Variants in WDR44 observed in about 807,000 individuals in gnomAD.
WDR44 encodes WD repeat domain 44, also known as WD repeat-containing protein 44.
A neutral mutation model predicts 65.7 loss-of-function variants in WDR44; 9 were observed. The ratio of observed to expected loss-of-function variants is 0.14; its 90% CI spans 0.08 to 0.24. WDR44 has a LOEUF of 0.24. Among genes scored for constraint, WDR44 ranks in the 10% least tolerant of loss-of-function variants. WDR44 has a pLI of 1.00. For missense variants in WDR44, 425 were observed against 670.9 expected, an observed-to-expected ratio of 0.63 and a Z score of 4.05; for synonymous variants, 220 against 235.2, an observed-to-expected ratio of 0.94 and a Z score of 0.59.
intron 1 of WDR44, among the ~76,000 whole-genome samples, chrX:118,375,471 T>C (rs1463077656): frequency 2.0e-5 from 2 of 101,548 alleles, no homozygotes; most frequent in Non-Finnish European, 4.0e-5. Context: ...CGCTTGAAGC[T>C]AGGAGTTCAA....
chrX:118,374,376 A>G (rs748498125), intron 1 of WDR44, among the ~76,000 whole-genome samples: 1 of 111,620 alleles, frequency 9.0e-6, no homozygotes, highest in South Asian at 3.7e-4. Flanking sequence ...ATGTTCTACA[A>G]ATGGATTTAG....
chrX:118,445,184 A>G (rs1183263026), intron 19 of WDR44: 1 of 216,907 alleles, frequency 4.6e-6, no homozygotes, highest in South Asian at 5.1e-5. Context: ...AATCCTAGCT[A>G]CTCGGGATGC....
intron 12 of WDR44, among the ~76,000 whole-genome samples, chrX:118,426,767 TAA>T (rs201231383): frequency 0.11 from 12,402 of 109,416 alleles, 673 homozygotes; most frequent in Admixed American, 0.25. Context: ...CTACCTTTAA[TAA>T]TTTATCATAA....
intron 2 of WDR44, 107 bp downstream of exon 2, chrX:118,378,559 T>A: frequency 1.3e-6 from 1 of 791,821 alleles, no homozygotes; most frequent in Non-Finnish European, 1.9e-6. Flanking sequence ...TACTTACTTT[T>A]TGCTCAGTAA....
intron 14 of WDR44, among the ~76,000 whole-genome samples, chrX:118,437,848 C>T (rs1290605325): frequency 9.1e-6 from 1 of 110,025 alleles, no homozygotes; most frequent in African/African-American, 3.3e-5. Context: ...CCAACCTGGC[C>T]AACATGGTGA....
intron 13 of WDR44, chrX:118,436,477 G>A (rs1463481635): frequency 6.5e-6 from 3 of 458,639 alleles, no homozygotes; most frequent in Non-Finnish European, 1.2e-5. Context: ...CTGAATTTCA[G>A]AACAGGTAAT....
chrX:118,404,169 A>G (rs1433340626), intron 8 of WDR44, among the ~76,000 whole-genome samples, 169 bp from the exon 9 acceptor site: 1 of 112,607 alleles, frequency 8.9e-6, no homozygotes, highest in Non-Finnish European at 1.9e-5. Flanking sequence ...ATTGACTTGA[A>G]TATGTTTATT....
intron 9 of WDR44, among the ~76,000 whole-genome samples, chrX:118,406,285 G>T (rs1249556175): frequency 1.8e-5 from 2 of 111,335 alleles, no homozygotes; most frequent in Non-Finnish European, 3.8e-5. Context: ...ATTAGGTAGG[G>T]CTGGGTATGA....
At chrX:118,427,104 AATATAC>A (rs1278683058) in intron 12 of WDR44, among the ~76,000 whole-genome samples, 1 of 111,071 alleles carries the variant, frequency 9.0e-6, no homozygotes, top group African/African-American at 3.3e-5. Context: ...AGTACCTATA[AATATAC>A]ATATATATTT....
intron 9 of WDR44, 73 bp from the exon 10 acceptor site, chrX:118,406,802 C>A: frequency 9.9e-7 from 1 of 1,006,677 alleles, no homozygotes; most frequent in Non-Finnish European, 1.3e-6. Context: ...TCTTGGTATG[C>A]AGGAAATATG....
chrX:118,368,480 T>TATAC (rs1487283299), intron 1 of WDR44, among the ~76,000 whole-genome samples: 1 of 98,615 alleles, frequency 1.0e-5, no homozygotes, highest in African/African-American at 4.0e-5. Flanking sequence ...TATATATATA[T>TATAC]ACTTCTTGAG....
At chrX:118,393,597 A>G (rs1206537998) in intron 4 of WDR44, among the ~76,000 whole-genome samples, 1 of 110,923 alleles carries the variant, frequency 9.0e-6, no homozygotes, top group Non-Finnish European at 1.9e-5. Context: ...TGTCTCAAAA[A>G]AAAAAAAAAA....
intron 1 of WDR44, among the ~76,000 whole-genome samples, chrX:118,377,094 G>A (rs902598331): frequency 1.1e-4 from 12 of 110,263 alleles, no homozygotes; most frequent in South Asian, 3.9e-4. Flanking sequence ...ACAGTGGTTC[G>A]TTCCTGTAAT....
intron 12 of WDR44, among the ~76,000 whole-genome samples, chrX:118,421,094 A>G (rs1408818682): frequency 1.8e-5 from 2 of 111,571 alleles, no homozygotes; most frequent in African/African-American, 6.5e-5. Context: ...CCCATTCTTC[A>G]TGGCCCGCTT....
chrX:118,354,727 A>C (rs1014547408), intron 1 of WDR44, among the ~76,000 whole-genome samples: 5 of 112,100 alleles, frequency 4.5e-5, no homozygotes, highest in African/African-American at 1.6e-4. Flanking sequence ...TATACAGAAC[A>C]AGCCATACCT....
At chrX:118,424,321 G>A (rs200394990) in intron 12 of WDR44, among the ~76,000 whole-genome samples, 6 of 63,439 alleles carry the variant, frequency 9.5e-5, no homozygotes, top group African/African-American at 9.1e-4. Context: ...ATGTGTGTGT[G>A]TGTATATATA....
In WDR44 at chrX:118,432,802, G is replaced by A. The variant is rs967907151; in HGVS notation, c.1759G>A (p.Asp587Asn). 144 of 1,209,172 alleles carry A rather than the reference G, an allele frequency of 1.2e-4. No individual in the cohort carries two copies. Among genetic ancestry groups the A allele is most frequent in the Non-Finnish European group, 1.6e-4 (141 of 894,250 alleles). ...ATAGGTATGCAGTGGAACTGATGAA[G>A]ACCCTGATGATAAAAACGCACCCTT... ...DTGVCSGTDE[D>N]PDDKNAPFRQ... The change falls in exon 13 of 20, where the codon GAC becomes AAC. Residue 587 changes from aspartate (D) to asparagine (N), a missense_variant. This residue lies in a region of WDR44 where 45 missense variants were observed against 50.0 expected (regional missense o/e 0.90). Coordinates refer to ENST00000254029, the MANE Select transcript of WDR44 (RefSeq NM_019045.5).
At chrX:118,445,249 C>T (rs1049368450) in intron 19 of WDR44, among the ~76,000 whole-genome samples, 1 of 111,586 alleles carries the variant, frequency 9.0e-6, no homozygotes, top group Non-Finnish European at 1.9e-5. Context: ...GAGCTGAGAT[C>T]GCGCCACTGC....
At chrX:118,377,203 A>G (rs970350100) in intron 1 of WDR44, among the ~76,000 whole-genome samples, 4 of 109,776 alleles carry the variant, frequency 3.6e-5, no homozygotes, top group African/African-American at 1.3e-4. Flanking sequence ...ACAAAAAAAT[A>G]CAAAATATTA....
Sources: gnomAD v4.1 joint callset for allele counts (sites outside exome capture counted in the v4.1 genomes callset) on GRCh38, gnomAD v4.1.1 for gene constraint, gnomAD v4.1.1 regional missense constraint, MANE v1.5 for transcripts, NCBI Gene and HGNC (gene_info 2026-07-23, HGNC 2026-07-21) for gene names.